The following RILPL2 variants were observed in gnomAD, a reference collection of about 807,000 sequenced individuals.
The protein encoded by RILPL2 is Rab interacting lysosomal protein like 2, also known as RILP-like protein 2.
In RILPL2, 19 loss-of-function variants were observed where a neutral mutation model predicts 22.2. The ratio of observed to expected loss-of-function variants is 0.86; its 90% CI spans 0.60 to 1.25. RILPL2 has a LOEUF of 1.25. Among genes scored for constraint, RILPL2 ranks in the 50% most tolerant of loss-of-function variants. The pLI is 0.00. For missense variants in RILPL2, 243 were observed against 263.6 expected, an observed-to-expected ratio of 0.92 and a Z score of 0.54; for synonymous variants, 123 against 111.6, an observed-to-expected ratio of 1.10 and a Z score of -0.64.
chr12:123,432,359 G>T (rs1294429661), intron 1 of RILPL2, among the ~76,000 whole-genome samples: 1 of 152,124 alleles, frequency 6.6e-6, no homozygotes. Context: ...ACAAAAATTA[G>T]GTGGCCATAG....
intron 1 of RILPL2, among the ~76,000 whole-genome samples, chr12:123,431,247 T>G (rs1879639501): frequency 6.6e-6 from 1 of 152,186 alleles, no homozygotes; most frequent in Non-Finnish European, 1.5e-5. Flanking sequence ...TTCTGACATG[T>G]GCCACAACAT....
chr12:123,427,710 A>G (rs139809804), intron 2 of RILPL2, among the ~76,000 whole-genome samples: 95 of 151,242 alleles, frequency 6.3e-4, no homozygotes, highest in Middle Eastern at 3.4e-3. Context: ...CCTGGCTAAT[A>G]ATTTTTATAT....
At chr12:123,413,111 GC>G (rs1879017738), downstream of RILPL2, 1 of 153,024 alleles carries the variant, frequency 6.5e-6, no homozygotes, top group African/African-American at 2.4e-5. Flanking sequence ...CAGGAGCATC[GC>G]TTGAATCTGG....
intron 1 of RILPL2, among the ~76,000 whole-genome samples, chr12:123,433,508 G>A (rs1188541934): frequency 6.6e-6 from 1 of 152,126 alleles, no homozygotes; most frequent in Non-Finnish European, 1.5e-5. Flanking sequence ...TCTGCCACCC[G>A]GGTTCAAGTG....
chr12:123,416,529 C>A (rs866668269), intron 3 of RILPL2, among the ~76,000 whole-genome samples: 99 of 149,278 alleles, frequency 6.6e-4, no homozygotes, highest in Middle Eastern at 3.9e-3. Context: ...GTCCCAGCTG[C>A]CTCGGGAGGC....
At chr12:123,432,547 T>TAGAAC (rs1879681585) in intron 1 of RILPL2, among the ~76,000 whole-genome samples, 1 of 152,184 alleles carries the variant, frequency 6.6e-6, no homozygotes, top group Non-Finnish European at 1.5e-5. Flanking sequence ...TTTTGTAAAC[T>TAGAAC]GTCTAGTGGC....
Position 123,436,479 on chromosome 12 carries a change from A to T in RILPL2, c.-59T>A, listed in dbSNP as rs903430997. Reference sequence around the variant, plus strand: ...TGTCTTGGAGTCTCCCAAAGGTTAGACTTCCTCCCGGCACCCAAAACTTTC... The same window carrying T: ...TGTCTTGGAGTCTCCCAAAGGTTAGTCTTCCTCCCGGCACCCAAAACTTTC... On this transcript the variant is annotated 5_prime_UTR_variant, in exon 1 of 4. Transcript: ENST00000280571. The surrounding 1 kb of genome is among the most constrained non-coding windows in gnomAD (Gnocchi z 6.7). 340 of 1,508,354 alleles carry T rather than the reference A, an allele frequency of 2.3e-4. 2 individuals are homozygous for T. Among genetic ancestry groups the T allele is most frequent in the Admixed American group, 4.2e-4 (20 of 48,094 alleles). 93.4% of individuals were successfully genotyped at this position (1,508,354 alleles called of 1,614,324 possible).
chr12:123,419,463 C>T (rs974747275), intron 3 of RILPL2, among the ~76,000 whole-genome samples: 3 of 152,238 alleles, frequency 2.0e-5, no homozygotes, highest in East Asian at 1.9e-4. Context: ...TAGCATGTTC[C>T]AATGCTGGGA....
chr12:123,415,871 C>T lies in RILPL2; in HGVS notation c.*20G>A, dbSNP rs767873529. On this transcript the variant is annotated 3_prime_UTR_variant, in exon 4 of 4. Coordinates refer to ENST00000280571, the MANE Select transcript of RILPL2 (RefSeq NM_145058.3). The stretch of plus-strand genomic sequence containing the variant: ...TTGTCTTCTAGAATCAGAGCCATAG[C>T]CTTACTTGTGGCCTTGGATCTAGGT... 1.9e-6 allele frequency: 3 copies of T among 1,613,700 alleles called. No homozygotes were observed. The highest frequency in any genetic ancestry group is 2.5e-6 in the Non-Finnish European group (3 of 1,179,618).
At chr12:123,420,022 CTTTT>C (rs35616705) in intron 3 of RILPL2, among the ~76,000 whole-genome samples, 2 of 57,494 alleles carry the variant, frequency 3.5e-5, no homozygotes, top group Non-Finnish European at 6.8e-5. Context: ...GACGGGGTTT[CTTTT>C]TTTTTTTTTT....
intron 1 of RILPL2, among the ~76,000 whole-genome samples, 176 bp downstream of exon 1, chr12:123,435,906 T>A (rs551227638): frequency 3.0e-4 from 46 of 151,796 alleles, no homozygotes; most frequent in Admixed American, 6.6e-4. Flanking sequence ...GGCTGGGGGA[T>A]CACTTGGAGC....
intron 3 of RILPL2, among the ~76,000 whole-genome samples, chr12:123,421,479 T>A (rs951583471): frequency 2.6e-5 from 4 of 152,038 alleles, no homozygotes; most frequent in African/African-American, 9.7e-5. Context: ...TGAGCTCACA[T>A]GAACCACTGC....
At chr12:123,410,039 G>T (rs999885077), downstream of RILPL2, among the ~76,000 whole-genome samples, 2 of 151,746 alleles carry the variant, frequency 1.3e-5, no homozygotes, top group African/African-American at 4.8e-5. Context: ...GTAGAGACAG[G>T]GTTTCACCGT....
intron 2 of RILPL2, among the ~76,000 whole-genome samples, chr12:123,429,441 G>GC (rs1879544303): frequency 6.8e-6 from 1 of 147,512 alleles, no homozygotes; most frequent in Admixed American, 6.8e-5. Context: ...GATTACAGGC[G>GC]CCCGCCACCA....
intron 3 of RILPL2, among the ~76,000 whole-genome samples, chr12:123,422,108 C>T (rs1471966291): frequency 1.3e-5 from 2 of 149,576 alleles, no homozygotes; most frequent in Non-Finnish European, 3.0e-5. Flanking sequence ...AACTCCTGGG[C>T]TTAAGTAATC....
In RILPL2 at chr12:123,423,721, T is replaced by A. The variant is rs1056411877; in HGVS notation, c.492-564A>T. Among the ~76,000 whole-genome samples, 13 of 151,620 alleles carry A rather than the reference T, an allele frequency of 8.6e-5. No homozygotes were observed. The Admixed American group carries it at 8.6e-4, about 10-fold the overall frequency. On this transcript the variant is annotated intron_variant, in intron 2 of 3. Coordinates refer to ENST00000280571, the MANE Select transcript of RILPL2 (RefSeq NM_145058.3). ...CAGGCTGGAGTGCAGTGGCGCGATC[T>A]CGGCTCACTGCAAGCTCCGCCTCCC...
chr12:123,434,934 G>A (rs1434230047), intron 1 of RILPL2, among the ~76,000 whole-genome samples: 1 of 151,508 alleles, frequency 6.6e-6, no homozygotes, highest in African/African-American at 2.4e-5. Flanking sequence ...CAGCACTTTG[G>A]AAGGCTGAGG....
In RILPL2 at chr12:123,430,099, C is replaced by CAAAA. The variant is rs59871132; in HGVS notation, c.491+405_491+408dup. 1.0e-3 allele frequency among the ~76,000 whole-genome samples: 19 copies of CAAAA among 18,788 alleles called. 8 individuals are homozygous for CAAAA. Among genetic ancestry groups the CAAAA allele is most frequent in the African/African-American group, 3.9e-3 (14 of 3,618 alleles). The allele number at this position is 18,788 out of a possible 152,430, so 12.3% of individuals were successfully genotyped here. ...CCACTGGGCGACAGGGTGAGACCCT[C>CAAAA]AAAAAAAAAAAAAAAAAAAAAAAAA... On this transcript the variant is annotated intron_variant, in intron 2 of 3. Coordinates refer to ENST00000280571, the MANE Select transcript of RILPL2 (RefSeq NM_145058.3).
chr12:123,419,503 G>A (rs1202087271), intron 3 of RILPL2, among the ~76,000 whole-genome samples: 1 of 152,094 alleles, frequency 6.6e-6, no homozygotes. Context: ...ATGGTCCCAC[G>A]TGGGACAGGG....
Sources: gnomAD v4.1 joint callset for allele counts (sites outside exome capture counted in the v4.1 genomes callset) on GRCh38, gnomAD v4.1.1 for gene constraint, Gnocchi (gnomAD v3.1) non-coding constraint, MANE v1.5 for transcripts, NCBI Gene and HGNC (gene_info 2026-07-23, HGNC 2026-07-21) for gene names.